The following CSMD1 variants were observed in gnomAD, a reference collection of about 807,000 sequenced individuals.
CSMD1 encodes CUB and sushi domain-containing protein 1.
CSMD1 carries 213 observed loss-of-function variants against 417.5 expected under a neutral mutation model. The observed-to-expected ratio is 0.51, with a 90% confidence interval of 0.46 to 0.57. The LOEUF (loss-of-function observed/expected upper bound fraction) is 0.57. CSMD1 is among the 20% of genes least tolerant of loss of function. The pLI, the probability that CSMD1 is intolerant of heterozygous loss-of-function variation, is 0.00. For synonymous variants in CSMD1, 2,862 were observed against 1,736.8 expected (o/e 1.65, Z -16.11); for missense variants, 6,923 against 4,529.7 (o/e 1.53, Z -15.17).
At chr8:3,292,826 A>T (rs1417118065) in intron 25 of CSMD1, among the ~76,000 whole-genome samples, 1 of 151,952 alleles carries the variant, frequency 6.6e-6, no homozygotes, top group Non-Finnish European at 1.5e-5. Flanking sequence ...GCCCATTTAC[A>T]TTTAAGGTTA....
At chr8:3,483,142 G>C (rs1396198098) in intron 11 of CSMD1, among the ~76,000 whole-genome samples, 2 of 151,880 alleles carry the variant, frequency 1.3e-5, no homozygotes, top group South Asian at 2.1e-4. Flanking sequence ...TAATGAAATA[G>C]AAATAGATAA....
chr8:3,031,912 T>C (rs1466553542), intron 50 of CSMD1, among the ~76,000 whole-genome samples: 1 of 151,760 alleles, frequency 6.6e-6, no homozygotes, highest in Non-Finnish European at 1.5e-5. Flanking sequence ...GTAAACACTG[T>C]CTTTTTACAT....
intron 1 of CSMD1, among the ~76,000 whole-genome samples, chr8:4,878,006 G>C (rs920384001): frequency 1.3e-5 from 2 of 152,030 alleles, no homozygotes; most frequent in African/African-American, 4.8e-5. Flanking sequence ...TTCAGAAATA[G>C]GACCTGTCAG....
intron 1 of CSMD1, among the ~76,000 whole-genome samples, chr8:4,689,182 A>G (rs563949218): frequency 9.8e-5 from 15 of 152,346 alleles, no homozygotes; most frequent in Admixed American, 2.0e-4. Context: ...GGAAATTTCA[A>G]TAGGTTTATT....
intron 26 of CSMD1, among the ~76,000 whole-genome samples, chr8:3,257,128 C>G (rs1408634178): frequency 6.6e-6 from 1 of 152,136 alleles, no homozygotes; most frequent in South Asian, 2.1e-4. Flanking sequence ...TTGAGACCAG[C>G]CTGGCCAACA....
intron 3 of CSMD1, among the ~76,000 whole-genome samples, chr8:4,341,749 G>C (rs1800490209): frequency 6.6e-6 from 1 of 152,066 alleles, no homozygotes; most frequent in African/African-American, 2.4e-5. Flanking sequence ...GGCAGTTAGG[G>C]TGCATTAATA....
chr8:4,137,864 TTA>T lies in CSMD1; in HGVS notation c.416-105767_416-105766del, dbSNP rs201326440. On this transcript the variant is annotated intron_variant, in intron 3 of 69. Coordinates refer to ENST00000635120, the MANE Select transcript of CSMD1 (RefSeq NM_033225.6). ...TATTTTACCTTTTGGATGCCTTACA[TTA>T]TTTTTTTTAATTAATTTATTTATTT... Among the ~76,000 whole-genome samples, 289 of 84,682 alleles carry T rather than the reference TTA, an allele frequency of 3.4e-3. 3 individuals carry two copies. The highest frequency in any genetic ancestry group is 6.7e-3 in the Admixed American group (57 of 8,510). 55.6% of individuals were successfully genotyped at this position (84,682 alleles called of 152,430 possible). A position where few individuals can be genotyped will look rare whatever the true frequency, so the allele number is the denominator to read the frequency against.
At chr8:4,721,985 G>A (rs1809086996) in intron 1 of CSMD1, among the ~76,000 whole-genome samples, 2 of 152,122 alleles carry the variant, frequency 1.3e-5, no homozygotes, top group South Asian at 4.1e-4. Context: ...CAAAGAAACA[G>A]GAGAAGAACG....
intron 2 of CSMD1, among the ~76,000 whole-genome samples, chr8:4,620,899 G>C (rs1801740649): frequency 6.6e-6 from 1 of 151,006 alleles, no homozygotes; most frequent in South Asian, 2.1e-4. Context: ...ATTGAGTAAA[G>C]TAAAAAAAAA....
intron 49 of CSMD1, among the ~76,000 whole-genome samples, chr8:3,066,472 A>G (rs1812943586): frequency 6.6e-6 from 1 of 152,208 alleles, no homozygotes; most frequent in Non-Finnish European, 1.5e-5. Flanking sequence ...AGAATTCATT[A>G]CGCATGCAGG....
At chr8:4,411,742 C>T (rs916021050) in intron 3 of CSMD1, among the ~76,000 whole-genome samples, 12 of 152,124 alleles carry the variant, frequency 7.9e-5, no homozygotes, top group Non-Finnish European at 5.9e-5. Context: ...TACATATAGA[C>T]GTTCACATAC....
intron 12 of CSMD1, among the ~76,000 whole-genome samples, chr8:3,419,178 G>T (rs944135469): frequency 6.6e-6 from 1 of 152,150 alleles, no homozygotes; most frequent in Non-Finnish European, 1.5e-5. Context: ...TGAACTTTTT[G>T]CCTTATCAAG....
intron 1 of CSMD1, among the ~76,000 whole-genome samples, chr8:4,750,138 T>A (rs35048315): frequency 0.077 from 11,667 of 152,160 alleles, 566 homozygotes; most frequent in Non-Finnish European, 0.11. Flanking sequence ...CCCGAGTAGC[T>A]GGGACTACAG....
At chr8:3,318,983 G>A (rs1208886963) in intron 23 of CSMD1, among the ~76,000 whole-genome samples, 1 of 152,122 alleles carries the variant, frequency 6.6e-6, no homozygotes, top group Non-Finnish European at 1.5e-5. Flanking sequence ...TACAAAGGGA[G>A]ACCCAGAAAC....
intron 46 of CSMD1, among the ~76,000 whole-genome samples, chr8:3,097,486 A>AAGAGC (rs1204133122): frequency 6.6e-6 from 1 of 152,156 alleles, no homozygotes; most frequent in East Asian, 1.9e-4. Context: ...GATACATTCC[A>AAGAGC]AGAGCCCTAG....
At chr8:4,707,700 A>G (rs918956670) in intron 1 of CSMD1, among the ~76,000 whole-genome samples, 2 of 151,914 alleles carry the variant, frequency 1.3e-5, no homozygotes, top group African/African-American at 4.8e-5. Flanking sequence ...CAGCCTGCCC[A>G]ACATGGTCAA....
chr8:4,496,904 T>C (rs1265541235), intron 2 of CSMD1, among the ~76,000 whole-genome samples: 1 of 152,166 alleles, frequency 6.6e-6, no homozygotes, highest in Non-Finnish European at 1.5e-5. Flanking sequence ...ATTTAATGCT[T>C]GTTTTGTGAA....
chr8:4,078,860 A>G (rs1799967932), intron 3 of CSMD1, among the ~76,000 whole-genome samples: 1 of 144,248 alleles, frequency 6.9e-6, no homozygotes, highest in African/African-American at 2.6e-5. Flanking sequence ...ACGTAGTGAA[A>G]ACCTGTCTCT....
chr8:3,602,513 T>C (rs1328505422), intron 8 of CSMD1, among the ~76,000 whole-genome samples: 1 of 152,152 alleles, frequency 6.6e-6, no homozygotes, highest in Non-Finnish European at 1.5e-5. Flanking sequence ...CTCTTTTGCA[T>C]ATCACTGATG....
Sources: gnomAD v4.1 joint callset for allele counts (sites outside exome capture counted in the v4.1 genomes callset) on GRCh38, gnomAD v4.1.1 for gene constraint, MANE v1.5 for transcripts, NCBI Gene and HGNC (gene_info 2026-07-23, HGNC 2026-07-21) for gene names.